The following PDE4D variants were observed in gnomAD, a reference collection of about 807,000 sequenced individuals.
The protein encoded by PDE4D is 3',5'-cyclic-AMP phosphodiesterase 4D.
In PDE4D, 24 loss-of-function variants were observed where a neutral mutation model predicts 87.4. That is an observed-to-expected ratio of 0.27 (90% CI 0.20 to 0.39). The LOEUF is 0.39. Ranked by LOEUF, PDE4D falls within the 10% of genes least tolerant of loss-of-function variation. The pLI, the probability that PDE4D is intolerant of heterozygous loss-of-function variation, is 1.00. For synonymous variants in PDE4D, 384 were observed against 383.2 expected (o/e 1.00, Z -0.02); for missense variants, 714 against 1,041.0 (o/e 0.69, Z 4.32).
intron 2 of PDE4D, among the ~76,000 whole-genome samples, chr5:60,003,910 G>A (rs145663264): frequency 6.6e-6 from 1 of 152,124 alleles, no homozygotes; most frequent in East Asian, 1.9e-4. Flanking sequence ...ACAAGGGCAT[G>A]AATAATATAC....
At chr5:59,677,553 CATAAGTT>C (rs1351329739) in intron 1 of PDE4D, among the ~76,000 whole-genome samples, 1 of 152,114 alleles carries the variant, frequency 6.6e-6, no homozygotes, top group African/African-American at 2.4e-5. Context: ...TTCTCCAAAT[CATAAGTT>C]ATAAAGCTCA....
chr5:60,035,112 C>T (rs537555706), intron 2 of PDE4D, among the ~76,000 whole-genome samples: 5 of 152,076 alleles, frequency 3.3e-5, no homozygotes, highest in African/African-American at 4.8e-5. Flanking sequence ...AAAAATTAGC[C>T]GGGCATGGTG....
chr5:59,180,997 G>A (rs1741406803), intron 4 of PDE4D, among the ~76,000 whole-genome samples: 1 of 152,184 alleles, frequency 6.6e-6, no homozygotes, highest in African/African-American at 2.4e-5. Flanking sequence ...ATTTATAATT[G>A]TCTTCCCTAA....
At chr5:59,268,383 G>A (rs769124587) in intron 1 of PDE4D, among the ~76,000 whole-genome samples, 9 of 151,996 alleles carry the variant, frequency 5.9e-5, no homozygotes, top group Non-Finnish European at 1.3e-4. Context: ...GGCAATTTGA[G>A]AGCTGAGACA....
intron 1 of PDE4D, among the ~76,000 whole-genome samples, chr5:59,413,400 G>A (rs954442971): frequency 7.1e-6 from 1 of 141,530 alleles, no homozygotes; most frequent in African/African-American, 2.7e-5. Flanking sequence ...AGAGCTTGCA[G>A]TGAGCCGAGA....
At chr5:59,730,118 C>T (rs1194562781) in intron 1 of PDE4D, among the ~76,000 whole-genome samples, 1 of 152,040 alleles carries the variant, frequency 6.6e-6, no homozygotes, top group Non-Finnish European at 1.5e-5. Flanking sequence ...CAATACTTCT[C>T]AATCTAAATG....
At chr5:60,354,080 G>T (rs577292256) in intron 1 of PDE4D, among the ~76,000 whole-genome samples, 1 of 152,216 alleles carries the variant, frequency 6.6e-6, no homozygotes, top group East Asian at 1.9e-4. Flanking sequence ...GAACATCTAT[G>T]AACTAAGTGA....
chr5:59,432,497 T>A (rs1041062186), intron 1 of PDE4D, among the ~76,000 whole-genome samples: 1 of 152,118 alleles, frequency 6.6e-6, no homozygotes, highest in African/African-American at 2.4e-5. Flanking sequence ...AGCTTACAAA[T>A]TGTGAACATT....
intron 1 of PDE4D, among the ~76,000 whole-genome samples, chr5:60,332,413 A>C (rs1757384340): frequency 6.6e-6 from 1 of 152,146 alleles, no homozygotes; most frequent in Non-Finnish European, 1.5e-5. Context: ...ATAAGCAGCT[A>C]CCACTAATAA....
intron 1 of PDE4D, among the ~76,000 whole-genome samples, chr5:59,657,370 C>T (rs1298989912): frequency 6.6e-6 from 1 of 152,066 alleles, no homozygotes; most frequent in East Asian, 1.9e-4. Context: ...ATTTTTTCCC[C>T]CATCTTGCCA....
intron 1 of PDE4D, among the ~76,000 whole-genome samples, chr5:59,332,218 T>C (rs1266158916): frequency 6.6e-6 from 1 of 152,208 alleles, no homozygotes; most frequent in Non-Finnish European, 1.5e-5. Flanking sequence ...TGATGACCAA[T>C]GGTCAGTGAT....
At chr5:60,495,705 T>C (rs946080524) in intron 1 of PDE4D, among the ~76,000 whole-genome samples, 1 of 152,214 alleles carries the variant, frequency 6.6e-6, no homozygotes, top group African/African-American at 2.4e-5. Flanking sequence ...GTTGTTTTAG[T>C]GCAGGAAGAG....
intron 1 of PDE4D, among the ~76,000 whole-genome samples, chr5:59,701,403 T>C (rs185491764): frequency 1.1e-3 from 172 of 152,336 alleles, no homozygotes; most frequent in Non-Finnish European, 2.0e-3. Context: ...GAAAAGGTTA[T>C]TATTTGTATT....
intron 1 of PDE4D, among the ~76,000 whole-genome samples, chr5:59,840,826 T>C (rs969916714): frequency 6.6e-6 from 1 of 152,068 alleles, no homozygotes; most frequent in Non-Finnish European, 1.5e-5. Flanking sequence ...GGGAAAAGCT[T>C]GAAGTAACTG....
At chr5:59,217,141 A>G (rs2153506915) in intron 1 of PDE4D, 1 of 450,124 alleles carries the variant, frequency 2.2e-6, no homozygotes, top group African/African-American at 2.0e-5. Context: ...ACTTTCCACA[A>G]AGAACCTTTC....
intron 1 of PDE4D, among the ~76,000 whole-genome samples, chr5:59,437,603 T>A (rs139341774): frequency 0.016 from 2,411 of 152,256 alleles, 81 homozygotes; most frequent in African/African-American, 0.055. Context: ...ATGACTTTTT[T>A]AAATCTATCA....
chr5:59,689,857 A>G lies in PDE4D; in HGVS notation c.455+203311T>C, dbSNP rs1429869950. Among the ~76,000 whole-genome samples, 5 of 152,332 alleles carry G rather than the reference A, an allele frequency of 3.3e-5. No individual in the cohort carries two copies. The South Asian group carries it at 1.0e-3, about 32-fold the overall frequency. On this transcript the variant is annotated intron_variant, in intron 1 of 14. Transcript: ENST00000340635. ...AGCCCAAAATCTCCTTAATCTGATA[A>G]GCAACTTCAGCAAAGTCTCAGGATA...
chr5:59,893,012 A>T (rs1751184478), intron 1 of PDE4D, among the ~76,000 whole-genome samples, 156 bp downstream of exon 1: 1 of 152,056 alleles, frequency 6.6e-6, no homozygotes, highest in Non-Finnish European at 1.5e-5. Flanking sequence ...CTCTCAATAA[A>T]GGATAGGCAC....
At chr5:60,348,140 C>G (rs1758884738) in intron 1 of PDE4D, among the ~76,000 whole-genome samples, 2 of 152,062 alleles carry the variant, frequency 1.3e-5, no homozygotes, top group African/African-American at 4.8e-5. Context: ...TGTCCCTTGG[C>G]CATGGGGAGA....
Sources: gnomAD v4.1 joint callset for allele counts (sites outside exome capture counted in the v4.1 genomes callset) on GRCh38, gnomAD v4.1.1 for gene constraint, MANE v1.5 for transcripts, NCBI Gene and HGNC (gene_info 2026-07-23, HGNC 2026-07-21) for gene names.